The following SHROOM3 variants were observed in gnomAD, a reference collection of about 807,000 sequenced individuals.
The protein encoded by SHROOM3 is protein Shroom3.
Under a neutral mutation model 138.6 loss-of-function variants are expected in SHROOM3, and 47 were observed. The observed-to-expected ratio is 0.34, with a 90% CI of 0.27 to 0.43. The LOEUF is 0.43. SHROOM3 is among the 20% of genes least tolerant of loss of function. The pLI is 1.00. For missense variants in SHROOM3, 2,491 were observed against 2,596.5 expected (o/e 0.96, Z 0.88); for synonymous variants, 1,062 against 1,063.3 (o/e 1.00, Z 0.02).
intron 2 of SHROOM3, among the ~76,000 whole-genome samples, chr4:76,658,344 G>T (rs1736111519): frequency 6.6e-6 from 1 of 152,190 alleles, no homozygotes; most frequent in Non-Finnish European, 1.5e-5. Flanking sequence ...CAAAGGAAAG[G>T]CTATGTGGCT....
intron 3 of SHROOM3, chr4:76,716,467 A>C (rs1406855371): frequency 5.8e-6 from 3 of 517,442 alleles, no homozygotes; most frequent in Non-Finnish European, 1.2e-5. Context: ...AGGATCCTCC[A>C]ATGACAAGCC....
Position 76,759,635 on chromosome 4 carries a change from C to T in SHROOM3, c.5289C>T (p.Ile1763=). ...CCAAGGCTGAGCTACTGAACAAAAT[C>T]AAAGAGATGCCAGCAGAAGTGAATG... ...SAPKAELLNK[I]KEMPAEVNEE... The change falls in exon 9 of 11, where the codon ATC becomes ATT. Residue 1763 remains isoleucine, a synonymous_variant. Coordinates refer to ENST00000296043, the MANE Select transcript of SHROOM3 (RefSeq NM_020859.4). The T allele has an allele frequency of 1.2e-6, 2 of 1,614,140 alleles. No homozygotes were observed. The highest frequency in any genetic ancestry group is 1.7e-6 in the Non-Finnish European group (2 of 1,180,042).
intron 2 of SHROOM3, among the ~76,000 whole-genome samples, chr4:76,639,352 C>T (rs1735594802): frequency 6.6e-6 from 1 of 152,198 alleles, no homozygotes; most frequent in Non-Finnish European, 1.5e-5. Context: ...TCCCCACATC[C>T]CAGCTCCCTT....
intron 2 of SHROOM3, among the ~76,000 whole-genome samples, chr4:76,652,497 T>C (rs1430606709): frequency 6.6e-6 from 1 of 152,140 alleles, no homozygotes; most frequent in Admixed American, 6.5e-5. Context: ...TTGCCCAGTA[T>C]AAACATGTAT....
intron 5 of SHROOM3, 30 bp from the exon 6 acceptor site, chr4:76,748,987 A>G: frequency 6.2e-7 from 1 of 1,610,200 alleles, no homozygotes; most frequent in Non-Finnish European, 8.5e-7. Flanking sequence ...GTTTATTGGC[A>G]GTAATGCTGT....
At position 76,555,661 on chromosome 4, in the gene SHROOM3, A is replaced by T; in HGVS notation, c.221A>T (p.Asp74Val). ...DTLSSKLQAG[D>V]EVVHINEVTL... ...CTGAGCTCCAAACTGCAGGCTGGGG[A>T]TGAGGTTGTGCACATCAATGAGGTG... is the stretch of plus-strand genomic sequence containing the variant. The change falls in exon 2 of 11, where the codon GAT becomes GTT. Residue 74 changes from aspartate (D) to valine (V), a missense_variant. Transcript: ENST00000296043. The T allele has an allele frequency of 6.2e-7, 1 of 1,614,050 alleles. No individual in the cohort carries two copies. Among genetic ancestry groups the T allele is most frequent in the Non-Finnish European group, 8.5e-7 (1 of 1,179,992 alleles).
intron 9 of SHROOM3, among the ~76,000 whole-genome samples, chr4:76,762,986 A>T (rs1722033859): frequency 6.6e-6 from 1 of 152,204 alleles, no homozygotes; most frequent in Non-Finnish European, 1.5e-5. Flanking sequence ...AAGCATAAGG[A>T]GAAACCAAAA....
At chr4:76,446,549 G>A (rs1027341631) in intron 1 of SHROOM3, among the ~76,000 whole-genome samples, 12 of 152,018 alleles carry the variant, frequency 7.9e-5, no homozygotes, top group African/African-American at 2.9e-4. Flanking sequence ...TTTGGGTGGG[G>A]TATATCCCAT....
chr4:76,725,080 T>G (rs774370733), intron 3 of SHROOM3, among the ~76,000 whole-genome samples: 3 of 152,206 alleles, frequency 2.0e-5, no homozygotes, highest in Non-Finnish European at 4.4e-5. Context: ...AAAGAAAAGT[T>G]GTTTTTTGTT....
In SHROOM3 at chr4:76,555,610, T is replaced by A; in HGVS notation, c.170T>A (p.Val57Asp). ...TGTCGCATCTCTCCCTCCAAGCAGG[T>A]CGAAGAAGGGGGCAAAGCAGACACC... ...EHGEPLIISKVEEGGKADTLS... is the reference protein window; with the variant it reads ...EHGEPLIISKDEEGGKADTLS... Residue 57 changes from valine (V) to aspartate (D), a missense_variant and splice_region_variant, in exon 2 of 11, where the codon GTC becomes GAC. By Grantham distance (152) the Val-to-Asp change is radical (BLOSUM62 -3). Around this residue, in one of 4 missense-constraint regions of SHROOM3, gnomAD observed 284 missense variants for 322.8 expected, o/e 0.88. Coordinates refer to ENST00000296043, the MANE Select transcript of SHROOM3 (RefSeq NM_020859.4). 1 of 1,613,142 alleles carries A rather than the reference T, an allele frequency of 6.2e-7. No individual in the cohort carries two copies. The highest frequency in any genetic ancestry group is 8.5e-7 in the Non-Finnish European group (1 of 1,179,942).
chr4:76,527,783 C>G (rs894803939), intron 1 of SHROOM3, among the ~76,000 whole-genome samples: 2 of 152,160 alleles, frequency 1.3e-5, no homozygotes, highest in Admixed American at 1.3e-4. Context: ...CAGGCAAGTC[C>G]TTTTCACAAC....
chr4:76,756,590 C>T lies in SHROOM3; in HGVS notation c.4851C>T (p.Phe1617=). 6.2e-7 allele frequency: 1 copy of T among 1,613,876 alleles called. No homozygotes were observed. Among genetic ancestry groups the T allele is most frequent in the African/African-American group, 1.3e-5 (1 of 74,898 alleles). The part of the protein sequence containing the change: ...GSEAESTPPS[F]MSVHAQLAGS... Reference sequence around the variant, plus strand: ...AGGCTGAGTCCACACCACCCTCCTTCATGAGCGTTCACGCCCAACTTGCTG... The same window carrying T: ...AGGCTGAGTCCACACCACCCTCCTTTATGAGCGTTCACGCCCAACTTGCTG... The change falls in exon 8 of 11, where the codon TTC becomes TTT. Residue 1617 remains phenylalanine (F), a synonymous_variant. Coordinates refer to ENST00000296043, the MANE Select transcript of SHROOM3 (RefSeq NM_020859.4).
At chr4:76,760,396 A>C (rs1378159048) in intron 9 of SHROOM3, among the ~76,000 whole-genome samples, 1 of 152,174 alleles carries the variant, frequency 6.6e-6, no homozygotes, top group East Asian at 1.9e-4. Flanking sequence ...TCTCTATAGC[A>C]CCAGAGGGGC....
chr4:76,616,193 G>A (rs976034008), intron 2 of SHROOM3, among the ~76,000 whole-genome samples: 2 of 152,280 alleles, frequency 1.3e-5, no homozygotes, highest in Non-Finnish European at 1.5e-5. Flanking sequence ...TAGGTAAGAC[G>A]AAGTTCCTGT....
chr4:76,590,605 C>T (rs1239128837), intron 2 of SHROOM3, among the ~76,000 whole-genome samples: 3 of 151,116 alleles, frequency 2.0e-5, no homozygotes, highest in African/African-American at 7.3e-5. Context: ...ATTTTTTCTA[C>T]ACAGTGATGA....
At chr4:76,752,191 T>C (rs1405647320) in intron 6 of SHROOM3, among the ~76,000 whole-genome samples, 2 of 152,220 alleles carry the variant, frequency 1.3e-5, no homozygotes, top group Non-Finnish European at 2.9e-5. Context: ...AAGTGAAATA[T>C]AAGCCAGTCA....
At chr4:76,597,751 G>A (rs780184832) in intron 2 of SHROOM3, among the ~76,000 whole-genome samples, 5 of 152,176 alleles carry the variant, frequency 3.3e-5, no homozygotes, top group Non-Finnish European at 5.9e-5. Flanking sequence ...GGCTTCTAGC[G>A]ATCTGAGTAG....
chr4:76,686,684 CT>C (rs1719345831), intron 2 of SHROOM3, among the ~76,000 whole-genome samples: 1 of 152,168 alleles, frequency 6.6e-6, no homozygotes, highest in African/African-American at 2.4e-5. Context: ...ATCAGACCCT[CT>C]GAATATACTA....
chr4:76,765,022 A>C (rs1338726073), intron 9 of SHROOM3, among the ~76,000 whole-genome samples: 1 of 151,424 alleles, frequency 6.6e-6, no homozygotes, highest in Non-Finnish European at 1.5e-5. Flanking sequence ...TTTTTTTTTA[A>C]ATCTGTTTTC....
Sources: gnomAD v4.1 joint callset for allele counts (sites outside exome capture counted in the v4.1 genomes callset) on GRCh38, gnomAD v4.1.1 for gene constraint, gnomAD v4.1.1 regional missense constraint, MANE v1.5 for transcripts, NCBI Gene and HGNC (gene_info 2026-07-23, HGNC 2026-07-21) for gene names.